The following MYBPC1 variants were observed in gnomAD, a reference collection of about 807,000 sequenced individuals.
MYBPC1 encodes the protein myosin-binding protein C, slow-type.
Under a neutral mutation model 147.1 loss-of-function variants are expected in MYBPC1, and 52 were observed. That is an observed-to-expected ratio of 0.35 (90% CI 0.28 to 0.45). The LOEUF (loss-of-function observed/expected upper bound fraction) is 0.45. Among genes scored for constraint, MYBPC1 ranks in the 20% least tolerant of loss-of-function variants. The probability of loss-of-function intolerance (pLI) is 1.00; values close to 1 mark genes in which losing one functional copy is unlikely to be tolerated. For missense variants in MYBPC1, 1,228 were observed against 1,440.3 expected (o/e 0.85, Z 2.39); for synonymous variants, 477 against 475.9 (o/e 1.00, Z -0.03).
At chr12:101,656,100 G>A (rs1230818675) in intron 18 of MYBPC1, among the ~76,000 whole-genome samples, 5 of 152,100 alleles carry the variant, frequency 3.3e-5, no homozygotes, top group African/African-American at 1.2e-4. Context: ...GTGAACCACT[G>A]TAGTGTTGTT....
intron 1 of MYBPC1, among the ~76,000 whole-genome samples, chr12:101,595,559 T>G (rs1404184510): frequency 6.6e-6 from 1 of 151,978 alleles, no homozygotes; most frequent in East Asian, 1.9e-4. Flanking sequence ...ATTTCCATAT[T>G]TGCTACTTTT....
intron 15 of MYBPC1, among the ~76,000 whole-genome samples, chr12:101,649,837 A>G (rs1894036578): frequency 6.6e-6 from 1 of 152,248 alleles, no homozygotes; most frequent in Non-Finnish European, 1.5e-5. Flanking sequence ...GAAGATTGTA[A>G]GAGCTAATTT....
chr12:101,651,518 T>C (rs1894440204), intron 16 of MYBPC1, 125 bp downstream of exon 16: 2 of 1,301,966 alleles, frequency 1.5e-6, no homozygotes, highest in South Asian at 2.4e-5. Flanking sequence ...TTCCTGATTC[T>C]TCGCTTCCAA....
chr12:101,631,000 T>G (rs1043559655), intron 6 of MYBPC1, among the ~76,000 whole-genome samples: 15 of 152,122 alleles, frequency 9.9e-5, no homozygotes, highest in African/African-American at 3.6e-4. Context: ...TGTACGACAT[T>G]GAAATGCTGG....
At chr12:101,666,188 C>A (rs1897374410) in intron 22 of MYBPC1, 1 of 160,532 alleles carries the variant, frequency 6.2e-6, no homozygotes, top group Non-Finnish European at 1.4e-5. Context: ...GCTGCTGGGG[C>A]AGCCTCCAAT....
At chr12:101,680,643 G>C in intron 29 of MYBPC1, 114 bp downstream of exon 29, 1 of 1,306,264 alleles carries the variant, frequency 7.7e-7, no homozygotes, top group Non-Finnish European at 1.1e-6. Context: ...TGCAGCGAGG[G>C]TGGGAGAGGG....
intron 22 of MYBPC1, chr12:101,666,859 G>GAATGACC: frequency 7.2e-7 from 1 of 1,383,654 alleles, no homozygotes; most frequent in East Asian, 2.6e-5. Context: ...TGGGAATATT[G>GAATGACC]AATGACCAAG....
rs374874826 is a variant in MYBPC1, at chr12:101,673,514, A to G, written c.2701A>G (p.Thr901Ala). The G allele has an allele frequency of 3.7e-6, 6 of 1,614,138 alleles. No individual in the cohort carries two copies. The highest frequency in any genetic ancestry group is 4.2e-6 in the Non-Finnish European group (5 of 1,179,988). Residue 901 changes from threonine (T) to alanine (A), a missense_variant, in exon 25 of 32, where the codon ACA (threonine) becomes GCA (alanine). By Grantham distance (58) the Thr-to-Ala change is moderately conservative. Coordinates refer to ENST00000361466, the MANE Select transcript of MYBPC1 (RefSeq NM_002465.4). ...QINIRNSETD[T>A]IIFIRKAERS... ...AAACATTCGCAACTCTGAGACTGAT[A>G]CAATCATATTTATTAGAAAAGCAGA...
At chr12:101,645,356 C>T (rs1009267199) in intron 12 of MYBPC1, among the ~76,000 whole-genome samples, 19 of 152,292 alleles carry the variant, frequency 1.2e-4, no homozygotes, top group African/African-American at 3.4e-4. Context: ...CAGATGGAGA[C>T]GGACTAAAGA....
chr12:101,632,464 G>A (rs1290022421), intron 8 of MYBPC1, among the ~76,000 whole-genome samples: 1 of 152,152 alleles, frequency 6.6e-6, no homozygotes, highest in Non-Finnish European at 1.5e-5. Flanking sequence ...TAGGTTTGGG[G>A]ATAGGGTAAT....
chr12:101,598,013 T>A (rs1462854158), intron 1 of MYBPC1, among the ~76,000 whole-genome samples: 1 of 146,012 alleles, frequency 6.8e-6, no homozygotes, highest in East Asian at 2.0e-4. Context: ...AGAAATCACC[T>A]TTCTTTTTTT....
In MYBPC1 at chr12:101,627,862, C is replaced by T. The variant is rs370552082; in HGVS notation, c.178+58C>T. On this transcript the variant is annotated intron_variant, in intron 5 of 31. Coordinates refer to ENST00000361466, the MANE Select transcript of MYBPC1 (RefSeq NM_002465.4). ...TCATCCTAATACAATCACTAATGAG[C>T]TCATTTCTTGAAGCTGTATTGATTC... 4.0e-4 allele frequency: 612 copies of T among 1,536,546 alleles called. 2 individuals carry two copies. The highest frequency in any genetic ancestry group is 4.6e-4 in the Non-Finnish European group (507 of 1,109,588).
the MYBPC1 span, among the ~76,000 whole-genome samples, chr12:101,692,059 G>A: frequency 1.3e-5 from 2 of 152,184 alleles, no homozygotes; most frequent in Non-Finnish European, 2.9e-5. Flanking sequence ...AAGGGATCGA[G>A]GGTACTCCCC....
At chr12:101,675,461 T>G (rs1007386512) in intron 26 of MYBPC1, 30 bp downstream of exon 26, 7 of 1,613,768 alleles carry the variant, frequency 4.3e-6, no homozygotes, top group Non-Finnish European at 5.9e-6. Flanking sequence ...GGTTCATCAG[T>G]AGCAAAAGGC....
chr12:101,621,833 A>G (rs1887476208), intron 3 of MYBPC1, among the ~76,000 whole-genome samples: 1 of 152,184 alleles, frequency 6.6e-6, no homozygotes, highest in African/African-American at 2.4e-5. Flanking sequence ...TCTCTCACTC[A>G]TATTACGAAG....
chr12:101,616,016 TC>T (rs1885960783), intron 2 of MYBPC1, among the ~76,000 whole-genome samples: 1 of 151,852 alleles, frequency 6.6e-6, no homozygotes, highest in South Asian at 2.1e-4. Flanking sequence ...AGATTGTTTT[TC>T]AGGAGGGCAG....
At chr12:101,619,512 GC>G (rs1886901570) in intron 3 of MYBPC1, among the ~76,000 whole-genome samples, 1 of 152,198 alleles carries the variant, frequency 6.6e-6, no homozygotes, top group African/African-American at 2.4e-5. Context: ...AAATGAATGA[GC>G]AGTTGAATTT....
At position 101,642,524 on chromosome 12, in the gene MYBPC1, C is replaced by T. The variant is rs374351300; in HGVS notation, c.771C>T (p.Thr257=). The T allele has an allele frequency of 1.5e-5, 24 of 1,613,504 alleles. No homozygotes were observed. Among genetic ancestry groups the T allele is most frequent in the Non-Finnish European group, 1.9e-5 (23 of 1,179,820 alleles). ...YEKIAFQYGI[T]DLRGMLKRLK... ...AGATCGCCTTCCAGTATGGAATCAC[C>T]GACCTGCGCGGCATGCTCAAGCGAC... is the stretch of plus-strand genomic sequence containing the variant. The change falls in exon 11 of 32, where the codon ACC becomes ACT. Residue 257 remains threonine, a synonymous_variant. Transcript: ENST00000361466.
intron 15 of MYBPC1, 96 bp downstream of exon 15, chr12:101,649,522 C>A: frequency 1.4e-6 from 2 of 1,421,102 alleles, no homozygotes; most frequent in African/African-American, 1.4e-5. Context: ...TTTCTATTTG[C>A]GATGATTTTT....
Sources: gnomAD v4.1 joint callset for allele counts (sites outside exome capture counted in the v4.1 genomes callset) on GRCh38, gnomAD v4.1.1 for gene constraint, MANE v1.5 for transcripts, NCBI Gene and HGNC (gene_info 2026-07-23, HGNC 2026-07-21) for gene names.